The following PRKG2 variants were observed in gnomAD, a reference collection of about 807,000 sequenced individuals.
PRKG2 encodes the protein protein kinase cGMP-dependent 2.
A neutral mutation model predicts 97.2 loss-of-function variants in PRKG2; 33 were observed. The observed-to-expected ratio is 0.34, with a 90% CI of 0.26 to 0.45. PRKG2 has a LOEUF of 0.45. PRKG2 is among the 20% of genes least tolerant of loss of function. PRKG2 has a pLI of 1.00. For synonymous variants in PRKG2, 330 were observed against 321.8 expected (o/e 1.03, Z -0.27); for missense variants, 638 against 900.0 (o/e 0.71, Z 3.73).
Position 81,150,958 on chromosome 4 carries a change from G to A in PRKG2, c.1085+1002C>T, listed in dbSNP as rs114193247. 9.9e-3 allele frequency among the ~76,000 whole-genome samples: 1,510 copies of A among 152,088 alleles called. 25 individuals carry two copies. Among genetic ancestry groups the A allele is most frequent in the African/African-American group, 0.034 (1,415 of 41,498 alleles). ...TATCTTTAAATCCCACTTTTAAATT[G>A]CTACATAATAGCTAAAACTTTATTT... On this transcript the variant is annotated intron_variant, in intron 8 of 18. Coordinates refer to ENST00000264399, the MANE Select transcript of PRKG2 (RefSeq NM_006259.3).
chr4:81,099,388 G>A (rs576802227), intron 17 of PRKG2, among the ~76,000 whole-genome samples: 1 of 152,140 alleles, frequency 6.6e-6, no homozygotes, highest in South Asian at 2.1e-4. Context: ...TTCATCCCTG[G>A]GATGCAAGGC....
intron 9 of PRKG2, among the ~76,000 whole-genome samples, chr4:81,144,604 A>AT (rs1236762024): frequency 1.5e-5 from 2 of 129,716 alleles, no homozygotes; most frequent in African/African-American, 4.2e-5. Flanking sequence ...TTATATATAT[A>AT]TATATATTTT....
chr4:81,168,284 T>C (rs1025353536), intron 5 of PRKG2, among the ~76,000 whole-genome samples: 9 of 152,054 alleles, frequency 5.9e-5, no homozygotes, highest in African/African-American at 1.7e-4. Flanking sequence ...CTCCCCTCTC[T>C]GAAGGCAAGA....
intron 13 of PRKG2, among the ~76,000 whole-genome samples, chr4:81,135,551 C>T (rs150920959): frequency 6.6e-6 from 1 of 152,164 alleles, no homozygotes; most frequent in Non-Finnish European, 1.5e-5. Flanking sequence ...GGTAATCACA[C>T]ATGGACATGT....
At chr4:81,181,391 A>T (rs1332391979) in intron 2 of PRKG2, among the ~76,000 whole-genome samples, 1 of 151,832 alleles carries the variant, frequency 6.6e-6, no homozygotes, top group Admixed American at 6.6e-5. Flanking sequence ...AAAATGATGC[A>T]TAGAAGAAAA....
intron 1 of PRKG2, among the ~76,000 whole-genome samples, chr4:81,212,191 C>T (rs570814738): frequency 6.6e-6 from 1 of 152,192 alleles, no homozygotes; most frequent in African/African-American, 2.4e-5. Flanking sequence ...AGCATCCTGG[C>T]TGGAGAAAAA....
At chr4:81,105,596 T>C (rs989028845) in intron 16 of PRKG2, among the ~76,000 whole-genome samples, 3 of 152,186 alleles carry the variant, frequency 2.0e-5, no homozygotes, top group African/African-American at 7.2e-5. Context: ...AGATCTTTTT[T>C]TAAACTACTT....
At chr4:81,158,060 G>T (rs1221553196) in intron 6 of PRKG2, among the ~76,000 whole-genome samples, 1 of 148,944 alleles carries the variant, frequency 6.7e-6, no homozygotes, top group East Asian at 1.9e-4. Context: ...ATTCAACATA[G>T]TGTTGGAAGT....
chr4:81,114,189 A>G (rs1744260807), intron 14 of PRKG2, among the ~76,000 whole-genome samples: 1 of 152,104 alleles, frequency 6.6e-6, no homozygotes. Flanking sequence ...CACTTTTTAT[A>G]TTCCAGAATT....
intron 2 of PRKG2, among the ~76,000 whole-genome samples, chr4:81,181,133 T>C (rs1014187737): frequency 8.6e-5 from 13 of 151,912 alleles, no homozygotes; most frequent in African/African-American, 3.1e-4. Flanking sequence ...ACTGACCACA[T>C]GGCAAACCAC....
chr4:81,092,514 G>GGAAGGAAGGA, intron 17 of PRKG2, 62 bp from the exon 18 acceptor site: 2 of 336,704 alleles, frequency 5.9e-6, no homozygotes, highest in African/African-American at 8.4e-5. Flanking sequence ...GGAAGGAAGG[G>GGAAGGAAGGA]AGAAAGAAAG....
intron 8 of PRKG2, among the ~76,000 whole-genome samples, chr4:81,151,526 T>C (rs1396731931): frequency 6.6e-6 from 1 of 152,078 alleles, no homozygotes; most frequent in Non-Finnish European, 1.5e-5. Flanking sequence ...AACGAGCTGA[T>C]AAAAATTCTT....
chr4:81,197,270 G>C (rs1473960615), intron 2 of PRKG2, among the ~76,000 whole-genome samples: 1 of 149,650 alleles, frequency 6.7e-6, no homozygotes, highest in Admixed American at 6.7e-5. Context: ...TTTGAGAAAA[G>C]AAAAAAAAAG....
chr4:81,117,151 C>T (rs980619271), intron 14 of PRKG2, among the ~76,000 whole-genome samples: 1 of 151,754 alleles, frequency 6.6e-6, no homozygotes, highest in African/African-American at 2.4e-5. Context: ...AACAACCACA[C>T]CCAGCTAATT....
intron 17 of PRKG2, among the ~76,000 whole-genome samples, chr4:81,099,250 A>T (rs1038193950): frequency 1.3e-5 from 2 of 152,176 alleles, no homozygotes; most frequent in Non-Finnish European, 2.9e-5. Flanking sequence ...TGGCAGAGAC[A>T]CAACAACAAA....
rs1479609898 is a variant in PRKG2, at chr4:81,105,824, C to T, written c.2052G>A (p.Arg684=). The T allele has an allele frequency of 1.9e-6, 3 of 1,613,782 alleles. No homozygotes were observed. Among genetic ancestry groups the T allele is most frequent in the East Asian group, 4.5e-5 (2 of 44,858 alleles). ...ACTGTCATTCTCACCTGCAAAGCCT[C>T]CGAATCAAATCCTCAGGTCGTCGTG... is the stretch of plus-strand genomic sequence containing the variant. The part of the protein sequence containing the change: ...KITRRPEDLI[R]RLCRQNPTER... Residue 684 remains arginine, a synonymous_variant, in exon 16 of 19, where the codon CGG becomes CGA. Coordinates refer to ENST00000264399, the MANE Select transcript of PRKG2 (RefSeq NM_006259.3).
rs189039126 is a variant in PRKG2 at position 81,188,135 on chromosome 4, C to T, written c.462-13176G>A. 5.0e-3 allele frequency among the ~76,000 whole-genome samples: 767 copies of T among 152,110 alleles called. 6 individuals are homozygous for T. The highest frequency in any genetic ancestry group is 0.017 in the African/African-American group (720 of 41,460). On this transcript the variant is annotated intron_variant, in intron 2 of 18. Coordinates refer to ENST00000264399, the MANE Select transcript of PRKG2 (RefSeq NM_006259.3). ...TGCAACCTACTCATCTGACAAAGGG[C>T]TAATTTCCAGAATCTACAATGAACT...
intron 14 of PRKG2, among the ~76,000 whole-genome samples, chr4:81,111,510 A>G (rs921665728): frequency 1.3e-5 from 2 of 152,156 alleles, no homozygotes; most frequent in East Asian, 3.9e-4. Flanking sequence ...ATAGGGCAAA[A>G]ATCATATATG....
intron 2 of PRKG2, among the ~76,000 whole-genome samples, chr4:81,186,949 C>A (rs112145798): frequency 3.3e-5 from 5 of 152,142 alleles, no homozygotes; most frequent in African/African-American, 1.2e-4. Flanking sequence ...CCTCAACAGA[C>A]CAATAACAAG....
Sources: allele counts gnomAD v4.1 joint callset (sites outside exome capture counted in the v4.1 genomes callset), GRCh38; gene constraint gnomAD v4.1.1; transcripts MANE v1.5; gene names NCBI Gene and HGNC (gene_info 2026-07-23, HGNC 2026-07-21).